Variants in KCNU1 observed in about 807,000 individuals in gnomAD.
KCNU1 encodes potassium calcium-activated channel subfamily U member 1, also known as potassium channel subfamily U member 1.
A neutral mutation model predicts 126.8 loss-of-function variants in KCNU1; 93 were observed. That is an observed-to-expected ratio of 0.73 (90% confidence interval 0.62 to 0.87). KCNU1 has a LOEUF of 0.87. Ranked by LOEUF, KCNU1 falls within the 40% of genes least tolerant of loss-of-function variation. The probability of loss-of-function intolerance (pLI) is 0.00; values close to 1 mark genes in which losing one functional copy is unlikely to be tolerated. For synonymous variants in KCNU1, 523 were observed against 494.2 expected, an observed-to-expected ratio of 1.06 and a Z score of -0.77; for missense variants, 1,330 against 1,367.1, an observed-to-expected ratio of 0.97 and a Z score of 0.43.
chr8:36,857,163 G>T (rs1032172357), intron 18 of KCNU1, among the ~76,000 whole-genome samples: 1 of 152,214 alleles, frequency 6.6e-6, no homozygotes, highest in Non-Finnish European at 1.5e-5. Context: ...GTAGCCTCTG[G>T]CTTTCTTTGT....
chr8:36,892,281 C>T (rs915815922), intron 19 of KCNU1, among the ~76,000 whole-genome samples: 2 of 152,074 alleles, frequency 1.3e-5, no homozygotes, highest in Admixed American at 6.6e-5. Context: ...AGTTATTGTA[C>T]TTCTTAACTC....
chr8:36,911,138 A>T lies in KCNU1; in HGVS notation c.2521+19A>T. On this transcript the variant is annotated intron_variant, in intron 22 of 26. Transcript: ENST00000399881. ...GTGTCAGGTGAGAACAGCACCCCTG[A>T]AAAGAAGAAACTAGGACGTATGGAA... 6.4e-7 allele frequency: 1 copy of T among 1,570,550 alleles called. No homozygotes were observed. The highest frequency in any genetic ancestry group is 8.7e-7 in the Non-Finnish European group (1 of 1,150,632).
intron 22 of KCNU1, among the ~76,000 whole-genome samples, chr8:36,913,219 T>G (rs1350265171): frequency 6.6e-6 from 1 of 152,140 alleles, no homozygotes. Flanking sequence ...AATATTGATT[T>G]TTTATGATAT....
At chr8:36,907,855 G>T (rs1377611936) in intron 20 of KCNU1, among the ~76,000 whole-genome samples, 1 of 152,134 alleles carries the variant, frequency 6.6e-6, no homozygotes, top group Non-Finnish European at 1.5e-5. Flanking sequence ...GCTTCTAAAT[G>T]TCCTCCTTTG....
At chr8:36,874,645 C>T (rs1203098873) in intron 19 of KCNU1, among the ~76,000 whole-genome samples, 4 of 152,088 alleles carry the variant, frequency 2.6e-5, no homozygotes, top group African/African-American at 7.2e-5. Context: ...CCATTATTGT[C>T]CTCCTCAATT....
Position 36,922,616 on chromosome 8 carries a change from C to T in KCNU1, c.2723C>T (p.Ser908Phe). The T allele has an allele frequency of 5.6e-6, 9 of 1,613,264 alleles. No homozygotes were observed. The South Asian group carries it at 6.6e-5, about 12-fold the overall frequency. ...GTVFSGSFLD[S>F]LLATAFYNYH... ...GTTTTTTCCGGCAGCTTCTTGGATT[C>T]TCTGCTGGCCACGGTAAGAAAAGCT... Residue 908 changes from serine to phenylalanine, a missense_variant, in exon 24 of 27, where the codon TCT (serine) becomes TTT (phenylalanine). This residue lies in a region of KCNU1 where 1,054 missense variants were observed against 1,053.9 expected (regional missense o/e 1.00). Transcript: ENST00000399881.
chr8:36,881,932 C>A lies in KCNU1; in HGVS notation c.2009+17411C>A, dbSNP rs185696393. On this transcript the variant is annotated intron_variant, in intron 19 of 26. Transcript: ENST00000399881. ...GATTCTTACCTTCTCTCCTATAAAGCTCTGCATCTTCACAAGTTTATCAAT... is the reference window on the plus strand; with the variant it reads ...GATTCTTACCTTCTCTCCTATAAAGATCTGCATCTTCACAAGTTTATCAAT... 3.1e-4 allele frequency among the ~76,000 whole-genome samples: 47 copies of A among 152,096 alleles called. No individual in the cohort carries two copies. In the East Asian group the frequency reaches 8.9e-3, roughly 29 times the overall value.
chr8:36,874,557 T>C (rs1043985355), intron 19 of KCNU1, among the ~76,000 whole-genome samples: 1 of 151,854 alleles, frequency 6.6e-6, no homozygotes, highest in Non-Finnish European at 1.5e-5. Context: ...GGGCAGGAGG[T>C]CTTGGTGGCA....
At chr8:36,847,764 T>A (rs1478803803) in intron 18 of KCNU1, among the ~76,000 whole-genome samples, 1 of 152,248 alleles carries the variant, frequency 6.6e-6, no homozygotes, top group Non-Finnish European at 1.5e-5. Context: ...TTGTGTATAG[T>A]CCTACAATAA....
At chr8:36,790,015 A>T (rs1802848237) in intron 2 of KCNU1, among the ~76,000 whole-genome samples, 1 of 152,202 alleles carries the variant, frequency 6.6e-6, no homozygotes, top group African/African-American at 2.4e-5. Flanking sequence ...TCTAAGGTAA[A>T]GGGATGTCTG....
intron 19 of KCNU1, among the ~76,000 whole-genome samples, chr8:36,901,464 G>C (rs1807415507): frequency 6.6e-6 from 1 of 152,136 alleles, no homozygotes; most frequent in South Asian, 2.1e-4. Context: ...GCTGGAAGAC[G>C]TTCAAGTGAC....
At position 36,922,627 on chromosome 8, in the gene KCNU1, A is replaced by G. The variant is rs1195285182; in HGVS notation, c.2734A>G (p.Thr912Ala). The G allele has an allele frequency of 6.2e-7, 1 of 1,612,508 alleles. No homozygotes were observed. The highest frequency in any genetic ancestry group is 1.7e-5 in the Admixed American group (1 of 59,842). Residue 912 changes from threonine to alanine, a missense_variant and splice_region_variant, in exon 24 of 27, where the codon ACG becomes GCG. This residue lies in a region of KCNU1 where 1,054 missense variants were observed against 1,053.9 expected (regional missense o/e 1.00). Transcript: ENST00000399881. ...SGSFLDSLLA[T>A]AFYNYHVLEL... ...CAGCTTCTTGGATTCTCTGCTGGCC[A>G]CGGTAAGAAAAGCTAAGCCATGGAG...
chr8:36,886,550 G>A (rs1247378853), intron 19 of KCNU1, among the ~76,000 whole-genome samples: 1 of 152,156 alleles, frequency 6.6e-6, no homozygotes. Flanking sequence ...GATTTATGTT[G>A]AACAGGTTGG....
At chr8:36,929,615 GGA>G (rs777375246) in intron 24 of KCNU1, among the ~76,000 whole-genome samples, 3 of 152,132 alleles carry the variant, frequency 2.0e-5, no homozygotes, top group Admixed American at 6.5e-5. Context: ...AGAAGACCCA[GGA>G]AAGAGTCACA....
rs375926423 is a variant in KCNU1 at position 36,864,410 on chromosome 8, C to T, written c.1898C>T (p.Ser633Leu). 14 of 1,585,318 alleles carry T rather than the reference C, an allele frequency of 8.8e-6. No individual in the cohort carries two copies. Among genetic ancestry groups the T allele is most frequent in the Middle Eastern group, 1.7e-4 (1 of 6,010 alleles). Reference protein sequence around the residue: ...SRSRQHITVPSVKRMKKCLKG... With the variant: ...SRSRQHITVPLVKRMKKCLKG... ...GATTTCTATCCTATTGCAGTGCCAT[C>T]GGTAAAGAGAATGAAAAAATGTCTG... is the stretch of plus-strand genomic sequence containing the variant. The change falls in exon 19 of 27, where the codon TCG becomes TTG. Residue 633 changes from serine (S) to leucine (L), a missense_variant. Ser to Leu is a moderately radical substitution (Grantham distance 145). Transcript: ENST00000399881.
chr8:36,830,675 G>GGT (rs1027517217), intron 10 of KCNU1, among the ~76,000 whole-genome samples: 7 of 151,078 alleles, frequency 4.6e-5, no homozygotes, highest in African/African-American at 1.2e-4. Flanking sequence ...TTATTTGAGG[G>GGT]GTGTGTGTGT....
chr8:36,839,761 G>T (rs16885494), intron 14 of KCNU1, among the ~76,000 whole-genome samples: 27,886 of 152,168 alleles, frequency 0.18, 2,711 homozygotes, highest in Middle Eastern at 0.38. Context: ...TGCCATATCA[G>T]AACAGTGTGG....
chr8:36,823,764 A>G (rs1272323219), intron 10 of KCNU1, among the ~76,000 whole-genome samples: 1 of 152,092 alleles, frequency 6.6e-6, no homozygotes, highest in South Asian at 2.1e-4. Context: ...TCATTGGACT[A>G]TAGAAAAAAT....
chr8:36,810,400 A>G (rs1404477560), intron 7 of KCNU1, among the ~76,000 whole-genome samples: 1 of 152,172 alleles, frequency 6.6e-6, no homozygotes. Context: ...CCTGCTGGAC[A>G]TCTGGTCTCC....
Sources: allele counts gnomAD v4.1 joint callset (sites outside exome capture counted in the v4.1 genomes callset), GRCh38; gene constraint gnomAD v4.1.1; regional missense constraint gnomAD v4.1.1; transcripts MANE v1.5; gene names NCBI Gene and HGNC (gene_info 2026-07-23, HGNC 2026-07-21).